Variants in F13B observed in about 807,000 individuals in gnomAD.
The protein encoded by F13B is TGase.
F13B carries 58 observed loss-of-function variants against 79.8 expected under a neutral mutation model. The observed-to-expected ratio is 0.73, with a 90% confidence interval of 0.59 to 0.90. The LOEUF (loss-of-function observed/expected upper bound fraction) is 0.90. F13B is among the 40% of genes least tolerant of loss of function. The pLI is 0.00. For missense variants in F13B, 773 were observed against 777.0 expected (o/e 0.99, Z 0.06); for synonymous variants, 283 against 260.3 (o/e 1.09, Z -0.84).
rs17549664 is a variant in F13B, at chr1:197,054,056, G to A, written c.1355-1222C>T. Reference sequence around the variant, plus strand: ...TATCATACTGTTGTGAATTTGTACTGATAGCCTTTCCAGTTTCAATAGTTA... The same window carrying A: ...TATCATACTGTTGTGAATTTGTACTAATAGCCTTTCCAGTTTCAATAGTTA... On this transcript the variant is annotated intron_variant, in intron 8 of 11. Coordinates refer to ENST00000367412, the MANE Select transcript of F13B (RefSeq NM_001994.3). 7.4e-3 allele frequency among the ~76,000 whole-genome samples: 1,121 copies of A among 152,158 alleles called. 14 individuals carry two copies. Among genetic ancestry groups the A allele is most frequent in the African/African-American group, 0.026 (1,070 of 41,520 alleles).
At chr1:197,062,736 T>C in intron 2 of F13B, 121 bp downstream of exon 2, 1 of 839,594 alleles carries the variant, frequency 1.2e-6, no homozygotes, top group Non-Finnish European at 2.0e-6. Context: ...GACAGATTGC[T>C]AGTGATTTTG....
In F13B at chr1:197,062,889, G is replaced by C; in HGVS notation, c.233C>G (p.Thr78Arg). 6.2e-7 allele frequency: 1 copy of C among 1,613,866 alleles called. No homozygotes were observed. ...CCTTGGCTCTGGAGACCAGCCTTCT[G>C]TTGTACACGTGGTTTGCTCTTCTTG... ...GRQEEQTTCT[T>R]EGWSPEPRCF... Residue 78 changes from threonine to arginine, a missense_variant, in exon 2 of 12, where the codon ACA (threonine) becomes AGA (arginine). By Grantham distance (71) the Thr-to-Arg change is moderately conservative. Coordinates refer to ENST00000367412, the MANE Select transcript of F13B (RefSeq NM_001994.3).
rs758392032 is a variant in F13B, at chr1:197,040,728, G to A, written c.1746C>T (p.Cys582=). 2.5e-6 allele frequency: 4 copies of A among 1,607,244 alleles called. No individual in the cohort carries two copies. Among genetic ancestry groups the A allele is most frequent in the Non-Finnish European group, 1.7e-6 (2 of 1,174,928 alleles). ...WTTPPLCLEP[C]TLSFTEMEKN... ...TTTCCATTTCAGTAAAAGATAATGT[G>A]CATGGCTCTGGGAACAACAATTTAA... Residue 582 remains cysteine, a synonymous_variant, in exon 11 of 12, where the codon TGC becomes TGT. Coordinates refer to ENST00000367412, the MANE Select transcript of F13B (RefSeq NM_001994.3).
chr1:197,041,684 C>G (rs1326913646), intron 10 of F13B, among the ~76,000 whole-genome samples: 1 of 152,166 alleles, frequency 6.6e-6, no homozygotes, highest in African/African-American at 2.4e-5. Context: ...ATGCTAAACC[C>G]TGTTGTCATT....
chr1:197,065,154 T>C (rs1319826029), intron 1 of F13B, among the ~76,000 whole-genome samples: 1 of 152,136 alleles, frequency 6.6e-6, no homozygotes, highest in Non-Finnish European at 1.5e-5. Context: ...CAATGGTGAA[T>C]ACACAAGAAA....
intron 9 of F13B, among the ~76,000 whole-genome samples, chr1:197,052,226 C>T (rs1426400355): frequency 6.6e-6 from 1 of 151,854 alleles, no homozygotes; most frequent in Admixed American, 6.6e-5. Flanking sequence ...AATGAGACAC[C>T]ATTTCACACC....
intron 1 of F13B, among the ~76,000 whole-genome samples, chr1:197,064,633 C>T (rs1655983855): frequency 6.6e-6 from 1 of 152,122 alleles, no homozygotes; most frequent in Admixed American, 6.6e-5. Context: ...TTCTGGGGTA[C>T]TATCACTGTT....
rs547036343 is a variant in F13B at position 197,057,036 on chromosome 1, C to G, written c.1148G>C (p.Trp383Ser). ...ACCAACACACTCAGGAGGAAGTGTCCATTTTCCACGATTACAAGTTATCTC... is the reference window on the plus strand; with the variant it reads ...ACCAACACACTCAGGAGGAAGTGTCGATTTTCCACGATTACAAGTTATCTC... ...SNEITCNRGKWTLPPECVENN... is the reference protein window; with the variant it reads ...SNEITCNRGKSTLPPECVENN... The change falls in exon 7 of 12, where the codon TGG (tryptophan) becomes TCG (serine). Residue 383 changes from tryptophan to serine, a missense_variant. Transcript: ENST00000367412. 7.5e-5 allele frequency: 121 copies of G among 1,613,658 alleles called. 1 individual carries two copies. The South Asian group carries it at 1.3e-3, about 17-fold the overall frequency.
chr1:197,063,083 A>G, intron 1 of F13B, 26 bp from the exon 2 acceptor site: 1 of 1,588,888 alleles, frequency 6.3e-7, no homozygotes, highest in African/African-American at 1.3e-5. Flanking sequence ...GTCAAGCTGA[A>G]AATGGAAAAA....
chr1:197,060,581 T>C, intron 4 of F13B, 39 bp from the exon 5 acceptor site: 1 of 1,404,806 alleles, frequency 7.1e-7, no homozygotes, highest in Non-Finnish European at 9.9e-7. Flanking sequence ...AAACAAATGT[T>C]TATTTTTTCT....
In F13B at chr1:197,044,614, A is replaced by G. The variant is rs180672271; in HGVS notation, c.1739-3879T>C. Among the ~76,000 whole-genome samples, 102 of 152,284 alleles carry G rather than the reference A, an allele frequency of 6.7e-4. 1 individual carries two copies. The highest frequency in any genetic ancestry group is 2.3e-3 in the African/African-American group (97 of 41,536). On this transcript the variant is annotated intron_variant, in intron 10 of 11. Transcript: ENST00000367412. ...GACAGATCAACGAGACAGAAGGTAA[A>G]TAAGAATATCCAGGACTTGAACTCA...
rs986967296 is a variant in F13B at position 197,041,186 on chromosome 1, T to C, written c.1739-451A>G. 5.9e-5 allele frequency among the ~76,000 whole-genome samples: 9 copies of C among 152,162 alleles called. No homozygotes were observed. The South Asian group carries it at 1.0e-3, about 18-fold the overall frequency. On this transcript the variant is annotated intron_variant, in intron 10 of 11. Transcript: ENST00000367412. The stretch of plus-strand genomic sequence containing the variant: ...GTATAAATAACATTTTATGGAAATG[T>C]AGATTCTCAACACTGACCCAAGCTT...
chr1:197,044,022 C>G (rs943461807), intron 10 of F13B, among the ~76,000 whole-genome samples: 1 of 151,314 alleles, frequency 6.6e-6, no homozygotes, highest in Admixed American at 6.6e-5. Context: ...TGTTCCTATT[C>G]GGCCATCTTG....
intron 9 of F13B, 45 bp from the exon 10 acceptor site, chr1:197,050,924 A>C (rs1655420201): frequency 1.4e-6 from 2 of 1,478,080 alleles, no homozygotes; most frequent in Non-Finnish European, 1.9e-6. Flanking sequence ...GCTATAATGA[A>C]CATCCAGTAC....
In F13B at chr1:197,040,503, A is replaced by G. The variant is rs957090192; in HGVS notation, c.1952+19T>C. The G allele has an allele frequency of 1.9e-6, 3 of 1,562,264 alleles. No individual in the cohort carries two copies. Among genetic ancestry groups the G allele is most frequent in the Non-Finnish European group, 8.8e-7 (1 of 1,138,446 alleles). The stretch of plus-strand genomic sequence containing the variant: ...CTGACCAAAAAAAATAATCTGACCA[A>G]AAAAAAAAAACTTCTTACCTTTGTC... On this transcript the variant is annotated intron_variant, in intron 11 of 11. Transcript: ENST00000367412.
In F13B at chr1:197,062,960, T is replaced by C; in HGVS notation, c.162A>G (p.Lys54=). The change falls in exon 2 of 12, where the codon AAA becomes AAG. Residue 54 remains lysine, a synonymous_variant. Transcript: ENST00000367412. ...AACCAGCCAAGCAGAAAAATGACAA[T>C]TTTTTGTCTATGCTCATTGGAAAGT... ...SFYFPMSIDK[K]LSFFCLAGYT... is the part of the protein sequence containing the mutation. 6.2e-7 allele frequency: 1 copy of C among 1,613,836 alleles called. No homozygotes were observed.
At chr1:197,051,606 T>C (rs1178259490) in intron 9 of F13B, among the ~76,000 whole-genome samples, 1 of 152,130 alleles carries the variant, frequency 6.6e-6, no homozygotes, top group Non-Finnish European at 1.5e-5. Context: ...ATTTTTTCCC[T>C]TCATAAAATT....
chr1:197,064,834 G>A (rs925098939), intron 1 of F13B, among the ~76,000 whole-genome samples: 9 of 152,146 alleles, frequency 5.9e-5, no homozygotes, highest in Non-Finnish European at 1.2e-4. Flanking sequence ...TAGGAGCTGT[G>A]GTGGGAAGAA....
chr1:197,054,812 G>T (rs1379366110), intron 8 of F13B, among the ~76,000 whole-genome samples: 1 of 151,908 alleles, frequency 6.6e-6, no homozygotes, highest in Non-Finnish European at 1.5e-5. Context: ...TTATGGTAGG[G>T]TTAACAAAGC....
Sources: allele counts gnomAD v4.1 joint callset (sites outside exome capture counted in the v4.1 genomes callset), GRCh38; gene constraint gnomAD v4.1.1; transcripts MANE v1.5; gene names NCBI Gene and HGNC (gene_info 2026-07-23, HGNC 2026-07-21).